Variants in RBFOX1 observed in about 807,000 individuals in gnomAD.
RBFOX1 encodes the protein RNA binding protein fox-1 homolog 1.
A neutral mutation model predicts 57.7 loss-of-function variants in RBFOX1; 8 were observed. That is an observed-to-expected ratio of 0.14 (90% confidence interval 0.08 to 0.25). RBFOX1 has a LOEUF of 0.25. RBFOX1 is among the 10% of genes least tolerant of loss of function. RBFOX1 has a pLI of 1.00. For missense variants in RBFOX1, 611 were observed against 548.5 expected, an observed-to-expected ratio of 1.11 and a Z score of -1.14; for synonymous variants, 326 against 222.4, an observed-to-expected ratio of 1.47 and a Z score of -4.15.
chr16:6,506,343 G>A lies in RBFOX1; in HGVS notation c.-63-148260G>A, dbSNP rs1460972425. 3.9e-5 allele frequency among the ~76,000 whole-genome samples: 6 copies of A among 152,180 alleles called. No homozygotes were observed. The East Asian group carries it at 1.2e-3, about 30-fold the overall frequency. On this transcript the variant is annotated intron_variant, in intron 2 of 15. Transcript: ENST00000550418. ...GCTGGAGGGAAGAGCCAGACACTCA[G>A]ATCTATGGGGAAGGCATTGCAGTAT...
chr16:7,007,835 C>T (rs959381966), intron 3 of RBFOX1, among the ~76,000 whole-genome samples: 1 of 152,110 alleles, frequency 6.6e-6, no homozygotes, highest in Admixed American at 6.6e-5. Context: ...TTTCTGTAGC[C>T]CACCTAGTGG....
chr16:5,989,255 C>T (rs1370464034), intron 4 of RBFOX1, among the ~76,000 whole-genome samples: 1 of 151,814 alleles, frequency 6.6e-6, no homozygotes, highest in Non-Finnish European at 1.5e-5. Context: ...GGTGTGAACC[C>T]GGGAGGCGGA....
Position 7,496,530 on chromosome 16 carries a change from A to T in RBFOX1, c.28-21617A>T, listed in dbSNP as rs2068689684. Among the ~76,000 whole-genome samples, 3 of 152,266 alleles carry T rather than the reference A, an allele frequency of 2.0e-5. No homozygotes were observed. In the South Asian group the frequency reaches 6.2e-4, roughly 32 times the overall value. Reference sequence around the variant, plus strand: ...ATGAGGTAATAGATGTCAGTCACTTAGGGTGTATACATGAGTTTAATCATC... The same window carrying T: ...ATGAGGTAATAGATGTCAGTCACTTTGGGTGTATACATGAGTTTAATCATC... On this transcript the variant is annotated intron_variant, in intron 4 of 15. Transcript: ENST00000550418.
At chr16:5,355,885 G>A (rs1450346517) in intron 1 of RBFOX1, among the ~76,000 whole-genome samples, 1 of 152,120 alleles carries the variant, frequency 6.6e-6, no homozygotes, top group Admixed American at 6.5e-5. Context: ...GAGACTAGGA[G>A]TTTGAGACCA....
At chr16:5,251,467 A>C (rs1022893815) in intron 1 of RBFOX1, among the ~76,000 whole-genome samples, 4 of 152,174 alleles carry the variant, frequency 2.6e-5, no homozygotes, top group Non-Finnish European at 5.9e-5. Flanking sequence ...CTTAGTGCCG[A>C]GCCCAGAGCC....
At chr16:7,323,167 T>A (rs2096567756) in intron 4 of RBFOX1, among the ~76,000 whole-genome samples, 1 of 152,206 alleles carries the variant, frequency 6.6e-6, no homozygotes, top group East Asian at 1.9e-4. Context: ...CTCATGCCTG[T>A]AATGCCAGGA....
chr16:6,241,875 T>C (rs1263380356), intron 1 of RBFOX1, among the ~76,000 whole-genome samples: 4 of 152,178 alleles, frequency 2.6e-5, no homozygotes, highest in Admixed American at 1.3e-4. Context: ...GCCCAACACA[T>C]TGACACATGG....
At chr16:6,235,729 CTAT>C (rs1416000323) in intron 1 of RBFOX1, among the ~76,000 whole-genome samples, 1 of 151,946 alleles carries the variant, frequency 6.6e-6, no homozygotes, top group Admixed American at 6.6e-5. Flanking sequence ...AGATTGGAGA[CTAT>C]TACTCTAAGT....
At chr16:6,653,832 A>G (rs1421695814) in intron 2 of RBFOX1, among the ~76,000 whole-genome samples, 2 of 151,346 alleles carry the variant, frequency 1.3e-5, no homozygotes, top group South Asian at 4.2e-4. Flanking sequence ...AGGATGCAGG[A>G]TAGATGGATG....
chr16:6,885,222 G>GT (rs540249214), intron 3 of RBFOX1, among the ~76,000 whole-genome samples: 3 of 152,138 alleles, frequency 2.0e-5, no homozygotes, highest in Admixed American at 6.5e-5. Flanking sequence ...TAGAACTGTG[G>GT]TTTTTCAGAT....
At chr16:7,519,852 C>T (rs542237584) in intron 5 of RBFOX1, 7 of 433,796 alleles carry the variant, frequency 1.6e-5, no homozygotes, top group Non-Finnish European at 1.8e-5. Flanking sequence ...CCACCTCATT[C>T]ATTTGGAGGC....
chr16:7,393,738 A>C (rs1016010697), intron 4 of RBFOX1, among the ~76,000 whole-genome samples: 37 of 152,284 alleles, frequency 2.4e-4, no homozygotes, highest in African/African-American at 8.2e-4. Context: ...TTTGGCCACA[A>C]GGTGTCCCCC....
intron 3 of RBFOX1, among the ~76,000 whole-genome samples, chr16:5,699,946 G>GC (rs1267658067): frequency 2.0e-5 from 3 of 152,080 alleles, no homozygotes; most frequent in Non-Finnish European, 4.4e-5. Context: ...CCATTCTCCT[G>GC]CTCAGCCTCC....
chr16:6,698,089 G>C (rs1555703024), intron 3 of RBFOX1, among the ~76,000 whole-genome samples: 1 of 152,144 alleles, frequency 6.6e-6, no homozygotes, highest in Non-Finnish European at 1.5e-5. Flanking sequence ...TATTTCAACT[G>C]TTTGGAAATC....
At chr16:6,262,288 GC>G (rs1041795672) in intron 1 of RBFOX1, among the ~76,000 whole-genome samples, 1 of 152,140 alleles carries the variant, frequency 6.6e-6, no homozygotes, top group African/African-American at 2.4e-5. Flanking sequence ...CTTCCTGGAA[GC>G]TGCATGTACC....
At chr16:6,275,360 G>C (rs80319865) in intron 1 of RBFOX1, among the ~76,000 whole-genome samples, 2,293 of 152,138 alleles carry the variant, frequency 0.015, 47 homozygotes, top group East Asian at 0.046. Context: ...CTTTCAATCA[G>C]CAAACATTTA....
intron 1 of RBFOX1, among the ~76,000 whole-genome samples, chr16:5,255,452 C>T (rs2062569152): frequency 6.6e-6 from 1 of 151,236 alleles, no homozygotes; most frequent in African/African-American, 2.4e-5. Context: ...ATCCAATCCA[C>T]TCTCTTGTGC....
intron 4 of RBFOX1, among the ~76,000 whole-genome samples, chr16:7,177,366 A>T (rs1461746495): frequency 1.3e-5 from 2 of 152,202 alleles, no homozygotes; most frequent in African/African-American, 4.8e-5. Context: ...TCCAACACAG[A>T]GGAATGATAA....
intron 4 of RBFOX1, among the ~76,000 whole-genome samples, chr16:7,196,749 G>C (rs917732849): frequency 1.3e-5 from 2 of 152,212 alleles, no homozygotes; most frequent in East Asian, 3.9e-4. Context: ...GAAGGTTTGC[G>C]GAAAGAAGGG....
Sources: allele counts gnomAD v4.1 joint callset (sites outside exome capture counted in the v4.1 genomes callset), GRCh38; gene constraint gnomAD v4.1.1; transcripts MANE v1.5; gene names NCBI Gene and HGNC (gene_info 2026-07-23, HGNC 2026-07-21).